The following MAN1A1 variants were observed in gnomAD, a reference collection of about 807,000 sequenced individuals.
The protein encoded by MAN1A1 is mannosidase alpha class 1A member 1.
A neutral mutation model predicts 70.8 loss-of-function variants in MAN1A1; 29 were observed. That is an observed-to-expected ratio of 0.41 (90% CI 0.31 to 0.56). The LOEUF (loss-of-function observed/expected upper bound fraction) is 0.56. Ranked by LOEUF, MAN1A1 falls within the 20% of genes least tolerant of loss-of-function variation. MAN1A1 has a pLI of 0.29. For missense variants in MAN1A1, 747 were observed against 841.3 expected, an observed-to-expected ratio of 0.89 and a Z score of 1.39; for synonymous variants, 349 against 330.1, an observed-to-expected ratio of 1.06 and a Z score of -0.62.
At chr6:119,197,772 C>CTAA (rs1205612123) in intron 8 of MAN1A1, among the ~76,000 whole-genome samples, 1 of 151,844 alleles carries the variant, frequency 6.6e-6, no homozygotes, top group African/African-American at 2.4e-5. Flanking sequence ...GGAGAGAGAG[C>CTAA]TAAGACTCAT....
chr6:119,216,554 G>A (rs866146889), intron 6 of MAN1A1, among the ~76,000 whole-genome samples: 42 of 152,226 alleles, frequency 2.8e-4, no homozygotes, highest in African/African-American at 9.1e-4. Context: ...ACAAGCATGC[G>A]TTCTCTTTTC....
intron 11 of MAN1A1, among the ~76,000 whole-genome samples, chr6:119,187,086 C>T (rs1397662297): frequency 2.6e-5 from 4 of 152,168 alleles, no homozygotes; most frequent in East Asian, 1.9e-4. Context: ...CCTGGCAATA[C>T]GAATTTGCTT....
intron 2 of MAN1A1, among the ~76,000 whole-genome samples, chr6:119,320,229 C>T (rs1475243096): frequency 6.6e-6 from 1 of 152,174 alleles, no homozygotes; most frequent in Non-Finnish European, 1.5e-5. Context: ...GCCTCCGCCT[C>T]CCAAAGTGCT....
At chr6:119,256,009 T>C (rs1775448385) in intron 5 of MAN1A1, among the ~76,000 whole-genome samples, 1 of 152,204 alleles carries the variant, frequency 6.6e-6, no homozygotes, top group Non-Finnish European at 1.5e-5. Context: ...TTTTTAGCCT[T>C]CAGGCAATTA....
chr6:119,330,114 G>C (rs984736498), intron 2 of MAN1A1, among the ~76,000 whole-genome samples: 3 of 152,110 alleles, frequency 2.0e-5, no homozygotes, highest in Non-Finnish European at 4.4e-5. Flanking sequence ...TTGACTCTTT[G>C]TACAGGACAC....
At chr6:119,332,994 T>G (rs2114496210) in intron 2 of MAN1A1, among the ~76,000 whole-genome samples, 1 of 151,898 alleles carries the variant, frequency 6.6e-6, no homozygotes, top group African/African-American at 2.4e-5. Context: ...CAGAGTAAAG[T>G]AAAGGAGCAG....
chr6:119,276,415 T>A (rs1404776934), intron 5 of MAN1A1, among the ~76,000 whole-genome samples: 2 of 152,212 alleles, frequency 1.3e-5, no homozygotes, highest in South Asian at 2.1e-4. Flanking sequence ...ACATAACAGA[T>A]GCTTAACACA....
chr6:119,263,341 T>C (rs1014244082), intron 5 of MAN1A1, among the ~76,000 whole-genome samples: 1 of 152,136 alleles, frequency 6.6e-6, no homozygotes, highest in Non-Finnish European at 1.5e-5. Flanking sequence ...ACTAATACAA[T>C]GTCCTTGCAT....
chr6:119,186,829 TC>T, intron 11 of MAN1A1, among the ~76,000 whole-genome samples: 1 of 152,264 alleles, frequency 6.6e-6, no homozygotes, highest in Admixed American at 6.5e-5. Context: ...TCCCAGTTTT[TC>T]TGGTTTAAAA....
chr6:119,255,045 G>A (rs1775423455), intron 5 of MAN1A1, among the ~76,000 whole-genome samples: 1 of 152,072 alleles, frequency 6.6e-6, no homozygotes, highest in Non-Finnish European at 1.5e-5. Flanking sequence ...ACTTTACCCT[G>A]ACAGATAGTA....
chr6:119,275,697 C>T (rs961278002), intron 5 of MAN1A1, among the ~76,000 whole-genome samples: 1 of 152,178 alleles, frequency 6.6e-6, no homozygotes, highest in Non-Finnish European at 1.5e-5. Context: ...TCGCCTTGGC[C>T]TCCCAAAGTG....
intron 2 of MAN1A1, among the ~76,000 whole-genome samples, chr6:119,318,555 T>C (rs1328621544): frequency 6.6e-6 from 1 of 152,254 alleles, no homozygotes; most frequent in Non-Finnish European, 1.5e-5. Context: ...TATCTCATTA[T>C]TCTGGAAAAA....
chr6:119,207,317 GAA>G (rs890542646), intron 6 of MAN1A1, among the ~76,000 whole-genome samples: 30 of 152,036 alleles, frequency 2.0e-4, no homozygotes, highest in African/African-American at 7.2e-4. Flanking sequence ...CTAATAGAAA[GAA>G]AACTGGATTT....
intron 2 of MAN1A1, among the ~76,000 whole-genome samples, chr6:119,333,002 C>T (rs1562246303): frequency 6.6e-6 from 1 of 151,986 alleles, no homozygotes; most frequent in Non-Finnish European, 1.5e-5. Flanking sequence ...AGTAAAGGAG[C>T]AGAGATCTCA....
chr6:119,302,795 G>A (rs1038210856), intron 3 of MAN1A1, among the ~76,000 whole-genome samples: 3 of 152,106 alleles, frequency 2.0e-5, no homozygotes, highest in Non-Finnish European at 4.4e-5. Context: ...AATATAATTA[G>A]ATCTAAAATT....
At chr6:119,209,407 A>G (rs1287374091) in intron 6 of MAN1A1, among the ~76,000 whole-genome samples, 1 of 152,216 alleles carries the variant, frequency 6.6e-6, no homozygotes, top group African/African-American at 2.4e-5. Flanking sequence ...ATTCAAGTTC[A>G]TAGTCCAGAA....
chr6:119,180,294 A>G lies in MAN1A1; in HGVS notation c.1835+18T>C. The stretch of plus-strand genomic sequence containing the variant: ...TCAGGTACCTTAGCCACATGGTTTT[A>G]GAATAATTTTCACCTACTTCAATGT... On this transcript the variant is annotated intron_variant, in intron 12 of 12. Coordinates refer to ENST00000368468, the MANE Select transcript of MAN1A1 (RefSeq NM_005907.4). 3.8e-6 allele frequency: 6 copies of G among 1,559,516 alleles called. No individual in the cohort carries two copies. Among genetic ancestry groups the G allele is most frequent in the Non-Finnish European group, 5.3e-6 (6 of 1,131,560 alleles).
At chr6:119,269,757 G>A (rs995233601) in intron 5 of MAN1A1, 3 of 152,232 alleles carry the variant, frequency 2.0e-5, no homozygotes, top group East Asian at 1.9e-4. Flanking sequence ...CAAGATAACT[G>A]CTTTCCTGTC....
At chr6:119,196,257 G>A (rs1562186992) in intron 8 of MAN1A1, among the ~76,000 whole-genome samples, 1 of 151,436 alleles carries the variant, frequency 6.6e-6, no homozygotes, top group Non-Finnish European at 1.5e-5. Flanking sequence ...GAATACATTT[G>A]TTTTAATTAA....
Sources: allele counts gnomAD v4.1 joint callset (sites outside exome capture counted in the v4.1 genomes callset), GRCh38; gene constraint gnomAD v4.1.1; transcripts MANE v1.5; gene names NCBI Gene and HGNC (gene_info 2026-07-23, HGNC 2026-07-21).